The following CATSPERZ variants were observed in gnomAD, a reference collection of about 807,000 sequenced individuals.
CATSPERZ encodes catsper channel auxiliary subunit zeta, also known as cation channel sperm-associated auxiliary subunit zeta.
In CATSPERZ, 21 loss-of-function variants were observed where a neutral mutation model predicts 21.7. The observed-to-expected ratio is 0.97, with a 90% CI of 0.69 to 1.39. The LOEUF is 1.39. CATSPERZ is among the 40% of genes most tolerant of loss of function. The pLI is 0.00. For synonymous variants in CATSPERZ, 127 were observed against 108.7 expected, an observed-to-expected ratio of 1.17 and a Z score of -1.05; for missense variants, 234 against 259.5, an observed-to-expected ratio of 0.90 and a Z score of 0.68.
At chr11:64,303,604 G>A (rs1341545634) in intron 3 of CATSPERZ, 43 bp downstream of exon 3, 2 of 1,555,748 alleles carry the variant, frequency 1.3e-6, no homozygotes, top group South Asian at 1.1e-5. Context: ...TGGGGTAGGG[G>A]ATAGGCAAAT....
At position 64,300,844 on chromosome 11, in the gene CATSPERZ, G is replaced by A. The variant is rs1451622381; in HGVS notation, c.209G>A (p.Arg70Gln). Residue 70 changes from arginine (R) to glutamine (Q), a missense_variant, in exon 2 of 5, where the codon CGG becomes CAG. By Grantham distance (43) the Arg-to-Gln change is conservative (BLOSUM62 1). Coordinates refer to ENST00000328404, the MANE Select transcript of CATSPERZ (RefSeq NM_001039496.2). ...SKTRGWHSPG[R>Q]GSLDEGYKAS... Reference sequence around the variant, plus strand: ...ACCCGCGGGTGGCACAGCCCGGGGCGGGGCTCGTTGGACGAGGGGTACAAG... The same window carrying A: ...ACCCGCGGGTGGCACAGCCCGGGGCAGGGCTCGTTGGACGAGGGGTACAAG... 1 of 1,559,040 alleles carries A rather than the reference G, an allele frequency of 6.4e-7. No homozygotes were observed. The highest frequency in any genetic ancestry group is 8.7e-7 in the Non-Finnish European group (1 of 1,152,562).
chr11:64,303,942 T>G (rs1162785200), intron 4 of CATSPERZ, 103 bp downstream of exon 4: 1 of 1,150,414 alleles, frequency 8.7e-7, no homozygotes, highest in African/African-American at 1.6e-5. Flanking sequence ...TTATGTCTTG[T>G]CAGATGCCCT....
rs1193766375 is a variant in CATSPERZ, at chr11:64,304,546, A to G, written c.503A>G (p.Tyr168Cys). ...CCGAGCTCTGCCCTCCTCCTAGGCT[A>G]CCAGTTAGGGATCGGCAGGGACCAC... Reference protein sequence around the residue: ...LEILTKALRSYQLGIGRDHFL... With the variant: ...LEILTKALRSCQLGIGRDHFL... The change falls in exon 5 of 5, where the codon TAC (tyrosine) becomes TGC (cysteine). Residue 168 changes from tyrosine (Y) to cysteine (C), a missense_variant. Physicochemically the swap from Tyr to Cys is radical, Grantham distance 194. Coordinates refer to ENST00000328404, the MANE Select transcript of CATSPERZ (RefSeq NM_001039496.2). 3.8e-6 allele frequency: 6 copies of G among 1,581,980 alleles called. No individual in the cohort carries two copies. In the South Asian group the frequency reaches 6.9e-5, roughly 18 times the overall value.
intron 2 of CATSPERZ, among the ~76,000 whole-genome samples, chr11:64,303,117 T>C (rs1196597610): frequency 6.6e-6 from 1 of 151,968 alleles, no homozygotes; most frequent in Non-Finnish European, 1.5e-5. Context: ...GCCAGGTTGG[T>C]CTCGAACTCC....
At position 64,300,905 on chromosome 11, in the gene CATSPERZ, G is replaced by A. The variant is rs1317354585; in HGVS notation, c.270G>A (p.Ala90=). Residue 90 remains alanine (A), a synonymous_variant, in exon 2 of 5, where the codon GCG becomes GCA. Coordinates refer to ENST00000328404, the MANE Select transcript of CATSPERZ (RefSeq NM_001039496.2). ...AGCCGGAGGAACTGGACGAGCACGCGCTGGTGGAGCTGGAGTTGCACCGCG... is the reference window on the plus strand; with the variant it reads ...AGCCGGAGGAACTGGACGAGCACGCACTGGTGGAGCTGGAGTTGCACCGCG... The part of the protein sequence containing the change: ...SHKPEELDEH[A]LVELELHRGS... 1.3e-6 allele frequency: 2 copies of A among 1,577,994 alleles called. No homozygotes were observed. The highest frequency in any genetic ancestry group is 4.7e-5 in the East Asian group (2 of 42,948).
chr11:64,300,501 C>T, intron 1 of CATSPERZ, 70 bp downstream of exon 1: 1 of 1,568,482 alleles, frequency 6.4e-7, no homozygotes, highest in Non-Finnish European at 8.7e-7. Flanking sequence ...GGGCCCCTGG[C>T]GCTATTTCTT....
chr11:64,302,037 G>A (rs992801699), intron 2 of CATSPERZ, among the ~76,000 whole-genome samples: 3 of 152,132 alleles, frequency 2.0e-5, no homozygotes, highest in East Asian at 1.9e-4. Context: ...TATGATTTGC[G>A]CTGGTTGAGG....
At position 64,304,664 on chromosome 11, in the gene CATSPERZ, C is replaced by A; in HGVS notation, c.*18C>A. The A allele has an allele frequency of 6.4e-7, 1 of 1,552,776 alleles. No homozygotes were observed. Among genetic ancestry groups the A allele is most frequent in the East Asian group, 2.4e-5 (1 of 41,228 alleles). ...TGAATTAAAAACGCCACCTTGGGCTCGAGCAGCGACCCGAACCAGCCCCGT... is the reference window on the plus strand; with the variant it reads ...TGAATTAAAAACGCCACCTTGGGCTAGAGCAGCGACCCGAACCAGCCCCGT... On this transcript the variant is annotated 3_prime_UTR_variant, in exon 5 of 5. Transcript: ENST00000328404.
In CATSPERZ at chr11:64,300,962, G is replaced by A. The variant is rs779018105; in HGVS notation, c.327G>A (p.Lys109=). Residue 109 remains lysine (K), a synonymous_variant, in exon 2 of 5, where the codon AAG becomes AAA. Coordinates refer to ENST00000328404, the MANE Select transcript of CATSPERZ (RefSeq NM_001039496.2). ...CCATGGAAATCAATCTGGGGGAGAA[G>A]GACACTGCATCCCAGATCGAGGCCG... is the stretch of plus-strand genomic sequence containing the variant. ...GSSMEINLGE[K]DTASQIEAEK... 6.4e-7 allele frequency: 1 copy of A among 1,569,608 alleles called. No homozygotes were observed. The highest frequency in any genetic ancestry group is 8.6e-7 in the Non-Finnish European group (1 of 1,157,542).
chr11:64,304,307 C>T (rs1300168780), intron 4 of CATSPERZ, among the ~76,000 whole-genome samples: 1 of 152,156 alleles, frequency 6.6e-6, no homozygotes, highest in Admixed American at 6.5e-5. Context: ...TGCTCGCTAC[C>T]ACCGCCCTAG....
intron 2 of CATSPERZ, among the ~76,000 whole-genome samples, 183 bp downstream of exon 2, chr11:64,301,170 C>T (rs759358698): frequency 2.0e-5 from 3 of 152,272 alleles, no homozygotes; most frequent in Non-Finnish European, 4.4e-5. Flanking sequence ...AGCGCCCCCT[C>T]CCGGGCAGGC....
chr11:64,303,731 G>C, intron 3 of CATSPERZ, 42 bp from the exon 4 acceptor site: 2 of 1,562,870 alleles, frequency 1.3e-6, no homozygotes, highest in Non-Finnish European at 8.7e-7. Context: ...TGTGGGCAGA[G>C]ATGAAGTACC....
chr11:64,301,601 T>C (rs981298112), intron 2 of CATSPERZ, among the ~76,000 whole-genome samples: 1 of 152,188 alleles, frequency 6.6e-6, no homozygotes, highest in South Asian at 2.1e-4. Context: ...CTCGAACTCC[T>C]GACCTCAAGT....
intron 2 of CATSPERZ, 56 bp downstream of exon 2, chr11:64,301,043 A>T (rs1320770732): frequency 1.6e-5 from 23 of 1,422,044 alleles, no homozygotes; most frequent in Non-Finnish European, 2.2e-5. Context: ...CTGGCCAGGG[A>T]CTCAATTTCT....
At position 64,300,644 on chromosome 11, in the gene CATSPERZ, A is replaced by G. The variant is rs1191625679; in HGVS notation, c.22-13A>G. Reference sequence around the variant, plus strand: ...CCGCGACCCTTGGCTCCCTCCTTGTATGTGGCCCACAGGTGTCGCTCAAGT... The same window carrying G: ...CCGCGACCCTTGGCTCCCTCCTTGTGTGTGGCCCACAGGTGTCGCTCAAGT... On this transcript the variant is annotated splice_polypyrimidine_tract_variant and intron_variant, in intron 1 of 4. Coordinates refer to ENST00000328404, the MANE Select transcript of CATSPERZ (RefSeq NM_001039496.2). 3 of 1,526,262 alleles carry G rather than the reference A, an allele frequency of 2.0e-6. No homozygotes were observed. Among genetic ancestry groups the G allele is most frequent in the South Asian group, 2.5e-5 (2 of 81,098 alleles). 94.5% of individuals were successfully genotyped at this position (1,526,262 alleles called of 1,614,324 possible). A position where few individuals can be genotyped will look rare whatever the true frequency, so the allele number is the denominator to read the frequency against.
rs1331791131 is a variant in CATSPERZ at position 64,304,545 on chromosome 11, T to C, written c.502T>C (p.Tyr168His). 2 of 1,581,488 alleles carry C rather than the reference T, an allele frequency of 1.3e-6. No individual in the cohort carries two copies. The highest frequency in any genetic ancestry group is 1.7e-6 in the Non-Finnish European group (2 of 1,164,730). The change falls in exon 5 of 5, where the codon TAC becomes CAC. Residue 168 changes from tyrosine (Y) to histidine (H), a missense_variant and splice_region_variant. Tyr to His is a moderately conservative substitution (Grantham distance 83). Transcript: ENST00000328404. ...LEILTKALRS[Y>H]QLGIGRDHFL... ...GCCGAGCTCTGCCCTCCTCCTAGGC[T>C]ACCAGTTAGGGATCGGCAGGGACCA...
chr11:64,304,619 C>G lies in CATSPERZ; in HGVS notation c.576C>G (p.Arg192=). The change falls in exon 5 of 5, where the codon CGC becomes CGG. Residue 192 remains arginine, a synonymous_variant. Transcript: ENST00000328404. The part of the protein sequence containing the change: ...LQRYIEGLKK[R]RSKRLYVN The stretch of plus-strand genomic sequence containing the variant: ...GATACATCGAAGGGCTCAAGAAGCG[C>G]CGGAGCAAGAGGCTGTACGTGAATT... The G allele has an allele frequency of 1.3e-6, 2 of 1,579,890 alleles. No individual in the cohort carries two copies. Among genetic ancestry groups the G allele is most frequent in the Non-Finnish European group, 1.7e-6 (2 of 1,163,758 alleles).
chr11:64,300,666 A>C lies in CATSPERZ; in HGVS notation c.31A>C (p.Lys11Gln), dbSNP rs1459561984. MEEKPSKVSL[K>Q]SSDRQGSDEE... ...TGTATGTGGCCCACAGGTGTCGCTCAAGTCTTCCGACCGCCAAGGCTCGGA... is the reference window on the plus strand; with the variant it reads ...TGTATGTGGCCCACAGGTGTCGCTCCAGTCTTCCGACCGCCAAGGCTCGGA... Residue 11 changes from lysine (K) to glutamine (Q), a missense_variant, in exon 2 of 5, where the codon AAG (lysine) becomes CAG (glutamine). Lys to Gln is a moderately conservative substitution (Grantham distance 53). Coordinates refer to ENST00000328404, the MANE Select transcript of CATSPERZ (RefSeq NM_001039496.2). 1 of 1,535,998 alleles carries C rather than the reference A, an allele frequency of 6.5e-7. No individual in the cohort carries two copies. The highest frequency in any genetic ancestry group is 2.5e-5 in the East Asian group (1 of 40,638).
Position 64,300,652 on chromosome 11 carries a change from C to T in CATSPERZ, c.22-5C>T, listed in dbSNP as rs1242095411. ...CTTGGCTCCCTCCTTGTATGTGGCC[C>T]ACAGGTGTCGCTCAAGTCTTCCGAC... On this transcript the variant is annotated splice_region_variant and splice_polypyrimidine_tract_variant and intron_variant, in intron 1 of 4. Coordinates refer to ENST00000328404, the MANE Select transcript of CATSPERZ (RefSeq NM_001039496.2). 1.3e-6 allele frequency: 2 copies of T among 1,531,538 alleles called. No individual in the cohort carries two copies. Among genetic ancestry groups the T allele is most frequent in the Middle Eastern group, 1.8e-4 (1 of 5,616 alleles). The allele number at this position is 1,531,538 out of a possible 1,614,324, so 94.9% of individuals were successfully genotyped here.
Sources: gnomAD v4.1 joint callset for allele counts (sites outside exome capture counted in the v4.1 genomes callset) on GRCh38, gnomAD v4.1.1 for gene constraint, MANE v1.5 for transcripts, NCBI Gene and HGNC (gene_info 2026-07-23, HGNC 2026-07-21) for gene names.